Variants in ANO10 observed in about 807,000 individuals in gnomAD.
ANO10 encodes anoctamin 10.
Under a neutral mutation model 74.7 loss-of-function variants are expected in ANO10, and 77 were observed. That is an observed-to-expected ratio of 1.03 (90% CI 0.86 to 1.25). The LOEUF is 1.25. Among genes scored for constraint, ANO10 ranks in the 50% most tolerant of loss-of-function variants. The pLI is 0.00. For missense variants in ANO10, 721 were observed against 778.1 expected (o/e 0.93, Z 0.87); for synonymous variants, 279 against 284.9 (o/e 0.98, Z 0.21).
chr3:43,673,204 C>A (rs944927912), intron 1 of ANO10, among the ~76,000 whole-genome samples: 2 of 152,158 alleles, frequency 1.3e-5, no homozygotes, highest in Non-Finnish European at 2.9e-5. Flanking sequence ...TTACTTAGAA[C>A]CAAGTATTTA....
intron 11 of ANO10, among the ~76,000 whole-genome samples, chr3:43,480,152 C>T (rs527603201): frequency 6.6e-6 from 1 of 152,156 alleles, no homozygotes; most frequent in Admixed American, 6.5e-5. Flanking sequence ...TTGGGAAATA[C>T]AGTTGAGAAA....
chr3:43,608,485 G>A (rs897755932), intron 1 of ANO10, among the ~76,000 whole-genome samples: 4 of 152,042 alleles, frequency 2.6e-5, no homozygotes, highest in Non-Finnish European at 5.9e-5. Context: ...GGCTCATCTC[G>A]AACTCTTGGG....
chr3:43,378,499 C>G (rs1305385336), intron 12 of ANO10, among the ~76,000 whole-genome samples: 1 of 152,242 alleles, frequency 6.6e-6, no homozygotes, highest in Non-Finnish European at 1.5e-5. Context: ...TTCCCCACAT[C>G]TGAACACTGT....
At chr3:43,421,965 A>C (rs2092826219) in intron 12 of ANO10, among the ~76,000 whole-genome samples, 1 of 152,260 alleles carries the variant, frequency 6.6e-6, no homozygotes. Context: ...AAAGTAAATA[A>C]ATGGATACAT....
chr3:43,614,265 C>G (rs2082976868), intron 1 of ANO10, among the ~76,000 whole-genome samples: 1 of 152,132 alleles, frequency 6.6e-6, no homozygotes, highest in Non-Finnish European at 1.5e-5. Context: ...CCATTCTAAA[C>G]ATGTATATGA....
At chr3:43,531,272 A>C (rs1341888972) in intron 11 of ANO10, among the ~76,000 whole-genome samples, 1 of 152,220 alleles carries the variant, frequency 6.6e-6, no homozygotes, top group Non-Finnish European at 1.5e-5. Context: ...TGTTTTTAAC[A>C]ATCTTTAAAT....
intron 11 of ANO10, among the ~76,000 whole-genome samples, chr3:43,445,347 T>C (rs1003401117): frequency 2.6e-4 from 39 of 152,156 alleles, no homozygotes; most frequent in African/African-American, 8.4e-4. Context: ...ATAACAAGTG[T>C]ACCATACCAG....
intron 12 of ANO10, among the ~76,000 whole-genome samples, chr3:43,368,693 T>TC (rs1311335739): frequency 6.6e-6 from 1 of 152,060 alleles, no homozygotes; most frequent in Non-Finnish European, 1.5e-5. Context: ...TGTCTTTTTT[T>TC]TTTTTTTTCA....
At chr3:43,384,053 T>C (rs2092047377) in intron 12 of ANO10, among the ~76,000 whole-genome samples, 1 of 152,176 alleles carries the variant, frequency 6.6e-6, no homozygotes, top group Non-Finnish European at 1.5e-5. Context: ...CTAGAACTGG[T>C]ACATGAATTC....
chr3:43,531,187 T>C (rs566620719), intron 11 of ANO10, among the ~76,000 whole-genome samples: 1 of 152,238 alleles, frequency 6.6e-6, no homozygotes, highest in African/African-American at 2.4e-5. Context: ...TTCAACTATT[T>C]TGAAGACAAA....
intron 11 of ANO10, among the ~76,000 whole-genome samples, chr3:43,547,132 T>C (rs1227016977): frequency 2.6e-5 from 4 of 152,090 alleles, no homozygotes; most frequent in Admixed American, 1.3e-4. Flanking sequence ...TAGAAGGAAA[T>C]ACCAAAATGT....
At chr3:43,623,365 G>C (rs2083459619), upstream of ANO10, among the ~76,000 whole-genome samples, 1 of 151,972 alleles carries the variant, frequency 6.6e-6, no homozygotes, top group Non-Finnish European at 1.5e-5. Context: ...CTTTATCATA[G>C]TATGTATGTA....
intron 12 of ANO10, among the ~76,000 whole-genome samples, chr3:43,426,765 A>T (rs1231336504): frequency 2.6e-5 from 4 of 152,246 alleles, no homozygotes; most frequent in Non-Finnish European, 4.4e-5. Flanking sequence ...TTTACTGTCT[A>T]CAATTCTTTG....
At chr3:43,467,113 GAAC>G (rs1187617455) in intron 11 of ANO10, among the ~76,000 whole-genome samples, 2 of 152,158 alleles carry the variant, frequency 1.3e-5, no homozygotes, top group East Asian at 1.9e-4. Context: ...CAAGGATTTA[GAAC>G]AACTGGAACT....
chr3:43,577,360 A>G (rs1380780842), intron 5 of ANO10, 99 bp from the exon 6 acceptor site: 21 of 1,184,316 alleles, frequency 1.8e-5, no homozygotes, highest in Non-Finnish European at 2.4e-5. Flanking sequence ...AGTGGGGATC[A>G]TTCAACCCTC....
chr3:43,624,577 AT>A (rs1559796343), upstream of ANO10, among the ~76,000 whole-genome samples: 4 of 152,250 alleles, frequency 2.6e-5, no homozygotes, highest in South Asian at 8.3e-4. Flanking sequence ...GTCTGCCATG[AT>A]TTTAAGTTTC....
rs936827261 is a variant in ANO10, at chr3:43,503,233, T to G, written c.1797+46487A>C. 2.6e-5 allele frequency among the ~76,000 whole-genome samples: 4 copies of G among 152,138 alleles called. No individual in the cohort carries two copies. The East Asian group carries it at 7.7e-4, about 29-fold the overall frequency. On this transcript the variant is annotated intron_variant, in intron 11 of 12. Transcript: ENST00000292246. The stretch of plus-strand genomic sequence containing the variant: ...GCAATAAAATCAAGCTGTTAAACAT[T>G]ACAGGTTTCAGAAATCAGAACAATA...
rs920528090 is a variant in ANO10 at position 43,565,983 on chromosome 3, G to A, written c.1219-256C>T. 5.9e-5 allele frequency among the ~76,000 whole-genome samples: 9 copies of A among 152,252 alleles called. No individual in the cohort carries two copies. In the East Asian group the frequency reaches 7.8e-4, roughly 13 times the overall value. ...ACGCAGGTCAGTGGGTGCGCGCACCGTGTGCGAGCCGAAGCAGGGCAAGGC... is the reference window on the plus strand; with the variant it reads ...ACGCAGGTCAGTGGGTGCGCGCACCATGTGCGAGCCGAAGCAGGGCAAGGC... On this transcript the variant is annotated intron_variant, in intron 7 of 12. Coordinates refer to ENST00000292246, the MANE Select transcript of ANO10 (RefSeq NM_018075.5).
At chr3:43,672,616 A>C (rs1319605065) in intron 1 of ANO10, among the ~76,000 whole-genome samples, 1 of 152,168 alleles carries the variant, frequency 6.6e-6, no homozygotes, top group East Asian at 1.9e-4. Context: ...AGTCTAATAA[A>C]CAGGTCTCTA....
Sources: allele counts gnomAD v4.1 joint callset (sites outside exome capture counted in the v4.1 genomes callset), GRCh38; gene constraint gnomAD v4.1.1; transcripts MANE v1.5; gene names NCBI Gene and HGNC (gene_info 2026-07-23, HGNC 2026-07-21).